The following PARD3 variants were observed in gnomAD, a reference collection of about 807,000 sequenced individuals.
The protein encoded by PARD3 is par-3 family cell polarity regulator.
Under a neutral mutation model 155.4 loss-of-function variants are expected in PARD3, and 75 were observed. The ratio of observed to expected loss-of-function variants is 0.48; its 90% CI spans 0.40 to 0.58. The LOEUF (loss-of-function observed/expected upper bound fraction) is 0.58, where lower values mean the gene tolerates loss of function less well. Ranked by LOEUF, PARD3 falls within the 20% of genes least tolerant of loss-of-function variation. PARD3 has a pLI of 0.00. For missense variants in PARD3, 1,642 were observed against 1,721.7 expected, an observed-to-expected ratio of 0.95 and a Z score of 0.82; for synonymous variants, 576 against 610.5, an observed-to-expected ratio of 0.94 and a Z score of 0.83.
intron 2 of PARD3, among the ~76,000 whole-genome samples, chr10:34,682,394 A>T (rs2093859695): frequency 6.6e-6 from 1 of 152,150 alleles, no homozygotes; most frequent in Admixed American, 6.5e-5. Flanking sequence ...AAATTCTAAC[A>T]CACAGAAAAT....
chr10:34,608,011 G>A (rs936294064), intron 2 of PARD3, among the ~76,000 whole-genome samples: 3 of 152,132 alleles, frequency 2.0e-5, no homozygotes, highest in African/African-American at 4.8e-5. Flanking sequence ...ACTGTGTCCT[G>A]CAAATCATGC....
At chr10:34,180,214 A>G (rs1207904850) in intron 22 of PARD3, among the ~76,000 whole-genome samples, 2 of 151,886 alleles carry the variant, frequency 1.3e-5, no homozygotes, top group Admixed American at 6.6e-5. Context: ...CGCCTGGCTA[A>G]TTTTGTGTTT....
intron 7 of PARD3, among the ~76,000 whole-genome samples, chr10:34,397,678 A>C (rs999558703): frequency 4.6e-5 from 7 of 152,124 alleles, no homozygotes; most frequent in Non-Finnish European, 8.8e-5. Context: ...TCATCTGTTC[A>C]CTTTACCCTA....
chr10:34,517,695 G>GC (rs1297418795), intron 2 of PARD3, among the ~76,000 whole-genome samples: 7 of 151,500 alleles, frequency 4.6e-5, no homozygotes, highest in African/African-American at 1.7e-4. Flanking sequence ...TCTACTACAC[G>GC]CCCCCCACAC....
intron 2 of PARD3, among the ~76,000 whole-genome samples, chr10:34,598,527 G>GA (rs200063322): frequency 3.3e-5 from 5 of 152,012 alleles, no homozygotes; most frequent in African/African-American, 4.8e-5. Flanking sequence ...ATATGAGAAT[G>GA]AAAAAAAATA....
intron 2 of PARD3, among the ~76,000 whole-genome samples, chr10:34,593,683 T>A (rs140899032): frequency 6.6e-6 from 1 of 152,354 alleles, no homozygotes; most frequent in African/African-American, 2.4e-5. Flanking sequence ...TAATGTTTTA[T>A]CAGAGATTAC....
chr10:34,712,426 C>T (rs956447110), intron 1 of PARD3, among the ~76,000 whole-genome samples: 4 of 152,236 alleles, frequency 2.6e-5, no homozygotes, highest in African/African-American at 9.6e-5. Flanking sequence ...CCTTCACCCT[C>T]ACTCTGATTA....
At chr10:34,736,496 A>AT (rs539010369) in intron 1 of PARD3, among the ~76,000 whole-genome samples, 9 of 150,858 alleles carry the variant, frequency 6.0e-5, no homozygotes, top group African/African-American at 1.9e-4. Context: ...ACCTAGCTAA[A>AT]TTTTTTTTTC....
At chr10:34,239,740 T>G (rs989977104) in intron 22 of PARD3, among the ~76,000 whole-genome samples, 1 of 151,640 alleles carries the variant, frequency 6.6e-6, no homozygotes, top group Non-Finnish European at 1.5e-5. Context: ...GAGGTGGAGT[T>G]TGCAGTGAGC....
intron 5 of PARD3, among the ~76,000 whole-genome samples, chr10:34,417,392 A>T (rs912719656): frequency 6.6e-6 from 1 of 152,170 alleles, no homozygotes; most frequent in African/African-American, 2.4e-5. Context: ...CAAAATTTTT[A>T]TTTGGGAAAA....
At chr10:34,244,549 T>C (rs1953818597) in intron 22 of PARD3, among the ~76,000 whole-genome samples, 1 of 152,176 alleles carries the variant, frequency 6.6e-6, no homozygotes, top group Admixed American at 6.5e-5. Flanking sequence ...AAATGCAACG[T>C]TATCAATTCT....
In PARD3 at chr10:34,391,806, C is replaced by T. The variant is rs112231614; in HGVS notation, c.890+7524G>A. Among the ~76,000 whole-genome samples, 276 of 152,308 alleles carry T rather than the reference C, an allele frequency of 1.8e-3. 2 individuals are homozygous for T. Among genetic ancestry groups the T allele is most frequent in the African/African-American group, 6.3e-3 (262 of 41,566 alleles). ...TGCAAATAATAATACTTATGAAATACATATTTTCCAACAGGGTCACTTTTA... is the reference window on the plus strand; with the variant it reads ...TGCAAATAATAATACTTATGAAATATATATTTTCCAACAGGGTCACTTTTA... On this transcript the variant is annotated intron_variant, in intron 7 of 24. Coordinates refer to ENST00000374788, the MANE Select transcript of PARD3 (RefSeq NM_001184785.2).
At chr10:34,242,524 CA>C (rs1564512898) in intron 22 of PARD3, among the ~76,000 whole-genome samples, 1 of 152,138 alleles carries the variant, frequency 6.6e-6, no homozygotes, top group Non-Finnish European at 1.5e-5. Flanking sequence ...ATGCTCCTTC[CA>C]GCTCTAAAAT....
chr10:34,730,184 G>T (rs2094791735), intron 1 of PARD3, among the ~76,000 whole-genome samples: 1 of 151,874 alleles, frequency 6.6e-6, no homozygotes, highest in African/African-American at 2.4e-5. Flanking sequence ...ATGAACTAAG[G>T]TACAAAAATC....
chr10:34,170,251 C>G (rs1949723421), intron 22 of PARD3, among the ~76,000 whole-genome samples: 1 of 152,086 alleles, frequency 6.6e-6, no homozygotes, highest in Non-Finnish European at 1.5e-5. Context: ...CCACGCCCAG[C>G]TAATTTTAAA....
intron 5 of PARD3, among the ~76,000 whole-genome samples, chr10:34,444,558 G>C (rs558895196): frequency 5.3e-5 from 8 of 152,304 alleles, no homozygotes; most frequent in Non-Finnish European, 8.8e-5. Context: ...TAACTTGTGA[G>C]ATGACTCTGA....
At chr10:34,795,898 AATAAC>A (rs151143590) in intron 1 of PARD3, among the ~76,000 whole-genome samples, 2,774 of 151,638 alleles carry the variant, frequency 0.018, 41 homozygotes, top group Middle Eastern at 0.058. Flanking sequence ...CCATCTCAAA[AATAAC>A]ATAACATAAC....
chr10:34,472,605 G>C (rs1454821170), intron 3 of PARD3, among the ~76,000 whole-genome samples: 3 of 152,114 alleles, frequency 2.0e-5, no homozygotes, highest in Non-Finnish European at 4.4e-5. Context: ...CAGTTGTTAG[G>C]TACCTCTGTA....
intron 1 of PARD3, among the ~76,000 whole-genome samples, chr10:34,712,834 T>A (rs2094466967): frequency 6.6e-6 from 1 of 151,704 alleles, no homozygotes; most frequent in African/African-American, 2.4e-5. Context: ...ACTACCTGGG[T>A]GATGGAATCA....
Sources: allele counts gnomAD v4.1 joint callset (sites outside exome capture counted in the v4.1 genomes callset), GRCh38; gene constraint gnomAD v4.1.1; transcripts MANE v1.5; gene names NCBI Gene and HGNC (gene_info 2026-07-23, HGNC 2026-07-21).